TRABD2A: variants seen among roughly 807,000 people sequenced by gnomAD.
The protein encoded by TRABD2A is TraB domain containing 2A.
Under a neutral mutation model 45.6 loss-of-function variants are expected in TRABD2A, and 43 were observed. The observed-to-expected ratio is 0.94, with a 90% CI of 0.74 to 1.22. The LOEUF (loss-of-function observed/expected upper bound fraction) is 1.22, where lower values mean the gene tolerates loss of function less well. Ranked by LOEUF, TRABD2A falls within the 50% of genes most tolerant of loss-of-function variation. The pLI, the probability that TRABD2A is intolerant of heterozygous loss-of-function variation, is 0.00. For missense variants in TRABD2A, 642 were observed against 652.4 expected (o/e 0.98, Z 0.17); for synonymous variants, 269 against 265.0 (o/e 1.02, Z -0.15).
Position 84,870,396 on chromosome 2 carries a change from G to C in TRABD2A, c.498C>G (p.Val166=). The C allele has an allele frequency of 6.2e-7, 1 of 1,614,038 alleles. No individual in the cohort carries two copies. The highest frequency in any genetic ancestry group is 8.5e-7 in the Non-Finnish European group (1 of 1,179,896). The change falls in exon 2 of 7, where the codon GTC becomes GTG. Residue 166 remains valine, a synonymous_variant. Coordinates refer to ENST00000409520, the MANE Select transcript of TRABD2A (RefSeq NM_001277053.2). ...GGGAGTTGACCATGAGCATCACCCA[G>C]ACAGGCCTCTTGCGCTCCCAGTTTC... ...IAGNWERKRP[V]WVMLMVNSLT... is the part of the protein sequence containing the mutation.
chr2:84,836,600 A>G (rs1183653659), intron 4 of TRABD2A: 1 of 152,222 alleles, frequency 6.6e-6, no homozygotes, highest in Non-Finnish European at 1.5e-5. Context: ...ATTTTCAAGC[A>G]ATTTTAAATT....
chr2:84,842,530 C>G (rs914412894), intron 2 of TRABD2A, among the ~76,000 whole-genome samples: 2 of 151,960 alleles, frequency 1.3e-5, no homozygotes, highest in Non-Finnish European at 2.9e-5. Context: ...GAAAATTAAA[C>G]ACCAGCCTGG....
chr2:84,851,949 T>C (rs1682111765), intron 2 of TRABD2A, among the ~76,000 whole-genome samples: 1 of 152,204 alleles, frequency 6.6e-6, no homozygotes, highest in South Asian at 2.1e-4. Context: ...AGCAGAGCTC[T>C]CTGGTCTCCA....
intron 1 of TRABD2A, 81 bp downstream of exon 1, chr2:84,880,851 G>A (rs1487756842): frequency 3.9e-6 from 6 of 1,534,794 alleles, no homozygotes; most frequent in South Asian, 1.2e-5. Flanking sequence ...GTCCGAAAGC[G>A]CTGCTTCGCG....
At chr2:84,859,773 G>A (rs1682431983) in intron 2 of TRABD2A, among the ~76,000 whole-genome samples, 1 of 152,174 alleles carries the variant, frequency 6.6e-6, no homozygotes, top group South Asian at 2.1e-4. Flanking sequence ...GGTCTGGGAT[G>A]GGGGTTCCAA....
chr2:84,827,945 G>A (rs1417898934), intron 5 of TRABD2A, among the ~76,000 whole-genome samples: 1 of 152,202 alleles, frequency 6.6e-6, no homozygotes, highest in Non-Finnish European at 1.5e-5. Flanking sequence ...TTCAGCCAGT[G>A]AGACCTGTGT....
At position 84,841,858 on chromosome 2, in the gene TRABD2A, C is replaced by T; in HGVS notation, c.816+3G>A. ...GAGCTTGGCAGGGGGAAAGGGTGCTCACCTGGGAGCTGTCATGGCTGAGGA... is the reference window on the plus strand; with the variant it reads ...GAGCTTGGCAGGGGGAAAGGGTGCTTACCTGGGAGCTGTCATGGCTGAGGA... On this transcript the variant is annotated splice_donor_region_variant and intron_variant, in intron 3 of 6. Transcript: ENST00000409520. 1.3e-6 allele frequency: 2 copies of T among 1,520,344 alleles called. No homozygotes were observed. The highest frequency in any genetic ancestry group is 1.3e-5 in the South Asian group (1 of 78,730). The allele number at this position is 1,520,344 out of a possible 1,614,324, so 94.2% of individuals were successfully genotyped here.
intron 1 of TRABD2A, among the ~76,000 whole-genome samples, chr2:84,880,135 C>T (rs1683154462): frequency 1.3e-5 from 2 of 152,162 alleles, no homozygotes; most frequent in South Asian, 4.1e-4. Flanking sequence ...AAGAGAGGGA[C>T]TCGAGAACCA....
At chr2:84,835,175 C>T (rs962153355) in intron 4 of TRABD2A, 2 of 152,126 alleles carry the variant, frequency 1.3e-5, no homozygotes, top group African/African-American at 2.4e-5. Flanking sequence ...AAGACTCAGA[C>T]TCTATTTAAG....
chr2:84,825,354 T>C (rs575084294), intron 5 of TRABD2A, among the ~76,000 whole-genome samples: 4 of 151,568 alleles, frequency 2.6e-5, no homozygotes, highest in African/African-American at 9.7e-5. Context: ...AGGGAGGAGG[T>C]ATACAAGAAG....
intron 1 of TRABD2A, chr2:84,879,526 G>A (rs115768502): frequency 5.7e-5 from 52 of 911,378 alleles, no homozygotes; most frequent in Non-Finnish European, 6.6e-5. Flanking sequence ...AGACCAAAAG[G>A]TAGGACGATG....
chr2:84,846,512 G>A (rs1681902195), intron 2 of TRABD2A, among the ~76,000 whole-genome samples: 1 of 152,214 alleles, frequency 6.6e-6, no homozygotes, highest in Admixed American at 6.5e-5. Flanking sequence ...TGGCTGAGAA[G>A]AGCAAGGATC....
intron 3 of TRABD2A, among the ~76,000 whole-genome samples, chr2:84,839,680 T>TTATA (rs943743726): frequency 3.5e-4 from 54 of 152,368 alleles, no homozygotes; most frequent in African/African-American, 1.3e-3. Flanking sequence ...CATGCTTTTC[T>TTATA]TATAAAAATA....
rs776756226 is a variant in TRABD2A, at chr2:84,824,073, C to A, written c.1214G>T (p.Arg405Leu). The change falls in exon 6 of 7, where the codon CGG becomes CTG. Residue 405 changes from arginine (R) to leucine (L), a missense_variant. Transcript: ENST00000409520. ...GHSTLPPLVS[R>L]PGSADTPSEA... ...ACTGGGCGTGTCGGCACTTCCAGGC[C>A]GGGACACAAGGGGAGGCAGCGTTGA... 5 of 1,613,770 alleles carry A rather than the reference C, an allele frequency of 3.1e-6. No individual in the cohort carries two copies. Among genetic ancestry groups the A allele is most frequent in the Non-Finnish European group, 4.2e-6 (5 of 1,179,788 alleles).
Position 84,841,998 on chromosome 2 carries a change from C to CCTA in TRABD2A, c.678_679insTAG (p.Phe226_Ala227insTer). ...TGCTGCAGGAGGGTCTGGTTCAAAG[C>CCTA]AAAGATGACCTAAAAGAAAGGTCTC... On this transcript the variant is annotated stop_gained and inframe_insertion, in exon 3 of 7. Coordinates refer to ENST00000409520, the MANE Select transcript of TRABD2A (RefSeq NM_001277053.2). LOFTEE classifies it high-confidence loss of function. 5 of 1,505,148 alleles carry CCTA rather than the reference C, an allele frequency of 3.3e-6. No individual in the cohort carries two copies. Among genetic ancestry groups the CCTA allele is most frequent in the Non-Finnish European group, 3.5e-6 (4 of 1,127,604 alleles). The allele number at this position is 1,505,148 out of a possible 1,614,324, so 93.2% of individuals were successfully genotyped here.
chr2:84,851,994 C>T (rs1235064437), intron 2 of TRABD2A, among the ~76,000 whole-genome samples: 1 of 152,182 alleles, frequency 6.6e-6, no homozygotes, highest in African/African-American at 2.4e-5. Context: ...TTCTCCTCCC[C>T]TTGGCACAGG....
chr2:84,842,110 A>T, intron 2 of TRABD2A, 103 bp from the exon 3 acceptor site: 2 of 1,264,858 alleles, frequency 1.6e-6, no homozygotes, highest in Non-Finnish European at 2.1e-6. Context: ...TGTGCTCGTT[A>T]TGTAAGGACG....
intron 6 of TRABD2A, 105 bp from the exon 7 acceptor site, chr2:84,822,205 T>C (rs1459213780): frequency 4.2e-6 from 4 of 943,154 alleles, no homozygotes; most frequent in Non-Finnish European, 6.1e-6. Flanking sequence ...CCCCTCCTTA[T>C]AGACAGGAAT....
intron 5 of TRABD2A, among the ~76,000 whole-genome samples, chr2:84,831,636 A>C (rs755586056): frequency 6.6e-6 from 1 of 151,808 alleles, no homozygotes; most frequent in Non-Finnish European, 1.5e-5. Flanking sequence ...CACTCCCTGC[A>C]CCCCTAACCC....
Sources: gnomAD v4.1 joint callset for allele counts (sites outside exome capture counted in the v4.1 genomes callset) on GRCh38, gnomAD v4.1.1 for gene constraint, MANE v1.5 for transcripts, NCBI Gene and HGNC (gene_info 2026-07-23, HGNC 2026-07-21) for gene names.